Variants in CNTLN observed in about 807,000 individuals in gnomAD.
The protein encoded by CNTLN is centlein, also known as centlein, centrosomal protein.
In CNTLN, 212 loss-of-function variants were observed where a neutral mutation model predicts 180.0. The ratio of observed to expected loss-of-function variants is 1.18; its 90% CI spans 1.05 to 1.32. The LOEUF (loss-of-function observed/expected upper bound fraction) is 1.32. CNTLN is among the 40% of genes most tolerant of loss of function. The probability of loss-of-function intolerance (pLI) is 0.00; values close to 1 mark genes in which losing one functional copy is unlikely to be tolerated. For synonymous variants in CNTLN, 722 were observed against 563.1 expected (o/e 1.28, Z -3.99); for missense variants, 2,095 against 1,610.9 (o/e 1.30, Z -5.14).
intron 13 of CNTLN, 94 bp from the exon 14 acceptor site, chr9:17,388,068 A>G (rs1825820296): frequency 2.9e-6 from 2 of 685,958 alleles, no homozygotes; most frequent in South Asian, 7.8e-5. Context: ...GATTATTCAC[A>G]GTTGAAAAAC....
chr9:17,169,552 A>C (rs1387558644), intron 2 of CNTLN, among the ~76,000 whole-genome samples: 1 of 151,968 alleles, frequency 6.6e-6, no homozygotes, highest in Admixed American at 6.6e-5. Context: ...TTAAGCCTTT[A>C]ATCCATTTTG....
chr9:17,301,913 C>T (rs1818383134), intron 7 of CNTLN: 1 of 925,650 alleles, frequency 1.1e-6, no homozygotes, highest in South Asian at 5.0e-5. Flanking sequence ...TTCACTTTAA[C>T]ATTATATTTT....
chr9:17,271,810 C>G (rs537231767), intron 5 of CNTLN, among the ~76,000 whole-genome samples: 1 of 152,158 alleles, frequency 6.6e-6, no homozygotes, highest in African/African-American at 2.4e-5. Flanking sequence ...TATCAAGCCA[C>G]CATCAGCTTT....
chr9:17,248,183 C>T (rs1825919033), intron 5 of CNTLN, among the ~76,000 whole-genome samples: 1 of 152,076 alleles, frequency 6.6e-6, no homozygotes, highest in African/African-American at 2.4e-5. Context: ...TGATGTTAAA[C>T]CAACCTTACA....
At chr9:17,233,405 T>G (rs4147023) in intron 3 of CNTLN, among the ~76,000 whole-genome samples, 5 of 151,984 alleles carry the variant, frequency 3.3e-5, no homozygotes, top group Non-Finnish European at 5.9e-5. Context: ...TTCCTTTAAC[T>G]GTAGTTTCAT....
intron 13 of CNTLN, among the ~76,000 whole-genome samples, chr9:17,380,388 C>T (rs1266347224): frequency 6.6e-6 from 1 of 152,098 alleles, no homozygotes; most frequent in African/African-American, 2.4e-5. Flanking sequence ...GCCAAAGGCC[C>T]CCAATAAAAA....
intron 5 of CNTLN, among the ~76,000 whole-genome samples, chr9:17,260,394 A>C (rs920151054): frequency 6.6e-6 from 1 of 151,310 alleles, no homozygotes; most frequent in Non-Finnish European, 1.5e-5. Context: ...CTTTACTTCC[A>C]AATATGTGGC....
At chr9:17,412,344 T>C (rs1418728331) in intron 16 of CNTLN, among the ~76,000 whole-genome samples, 1 of 152,172 alleles carries the variant, frequency 6.6e-6, no homozygotes, top group African/African-American at 2.4e-5. Flanking sequence ...CAGGATACAA[T>C]TGAAAATCAC....
intron 18 of CNTLN, among the ~76,000 whole-genome samples, chr9:17,451,542 A>G (rs1830776088): frequency 6.6e-6 from 1 of 152,174 alleles, no homozygotes. Context: ...TCAAAATGAG[A>G]AAGAAAACTC....
chr9:17,492,066 C>T (rs1040322441), intron 25 of CNTLN, among the ~76,000 whole-genome samples: 1 of 152,088 alleles, frequency 6.6e-6, no homozygotes, highest in African/African-American at 2.4e-5. Flanking sequence ...CTCAGTAACC[C>T]ATACAGAATT....
the CNTLN span, among the ~76,000 whole-genome samples, chr9:17,517,444 A>G: frequency 2.6e-5 from 4 of 152,054 alleles, no homozygotes; most frequent in Non-Finnish European, 4.4e-5. Context: ...AATAAATGAA[A>G]AAAAAGAAAT....
At chr9:17,176,957 C>T (rs3119848) in intron 2 of CNTLN, among the ~76,000 whole-genome samples, 31,878 of 152,066 alleles carry the variant, frequency 0.21, 3,874 homozygotes, top group African/African-American at 0.34. Flanking sequence ...TGTCTTTTCC[C>T]TATTTTTTTC....
intron 23 of CNTLN, 115 bp downstream of exon 23, chr9:17,467,006 A>G: frequency 1.6e-6 from 1 of 613,876 alleles, no homozygotes; most frequent in Non-Finnish European, 2.8e-6. Flanking sequence ...CACAGAAAGC[A>G]TCTTCTTCTA....
At chr9:17,512,839 T>C in the CNTLN span, among the ~76,000 whole-genome samples, 2 of 152,256 alleles carry the variant, frequency 1.3e-5, no homozygotes, top group Admixed American at 6.5e-5. Flanking sequence ...TTGTTTGAGA[T>C]GGAGTCTTGC....
chr9:17,520,680 G>A, the CNTLN span, among the ~76,000 whole-genome samples: 6 of 152,160 alleles, frequency 3.9e-5, no homozygotes, highest in Admixed American at 1.3e-4. Context: ...CTGATAATTG[G>A]GTTGCAAGCT....
At chr9:17,178,798 G>A (rs1355428486) in intron 2 of CNTLN, among the ~76,000 whole-genome samples, 5 of 152,132 alleles carry the variant, frequency 3.3e-5, no homozygotes, top group Non-Finnish European at 5.9e-5. Context: ...GAGGGAGTCA[G>A]CTCTGGCCTT....
chr9:17,201,296 T>C (rs576011127), intron 2 of CNTLN, among the ~76,000 whole-genome samples: 8 of 152,272 alleles, frequency 5.3e-5, no homozygotes, highest in Non-Finnish European at 7.4e-5. Context: ...GAAATTTTCC[T>C]TTTTTTGTTG....
intron 13 of CNTLN, among the ~76,000 whole-genome samples, chr9:17,372,095 AAAG>A (rs1480779452): frequency 3.9e-5 from 6 of 152,116 alleles, no homozygotes; most frequent in East Asian, 1.9e-4. Context: ...TAGTAAAAGA[AAAG>A]AAGTAGTAAA....
intron 15 of CNTLN, among the ~76,000 whole-genome samples, chr9:17,407,890 C>G (rs918763872): frequency 1.3e-5 from 2 of 152,010 alleles, no homozygotes; most frequent in African/African-American, 4.8e-5. Context: ...CTTTGGGAGG[C>G]TGAGGTAGGT....
Sources: allele counts gnomAD v4.1 joint callset (sites outside exome capture counted in the v4.1 genomes callset), GRCh38; gene constraint gnomAD v4.1.1; transcripts MANE v1.5; gene names NCBI Gene and HGNC (gene_info 2026-07-23, HGNC 2026-07-21).